The following RERE variants were observed in gnomAD, a reference collection of about 807,000 sequenced individuals.
The protein encoded by RERE is arginine-glutamic acid dipeptide repeats protein.
RERE carries 40 observed loss-of-function variants against 146.1 expected under a neutral mutation model. That is an observed-to-expected ratio of 0.27 (90% CI 0.21 to 0.36). RERE has a LOEUF of 0.36. RERE is among the 10% of genes least tolerant of loss of function. RERE has a pLI of 1.00. For missense variants in RERE, 1,933 were observed against 2,138.7 expected (o/e 0.90, Z 1.90); for synonymous variants, 1,003 against 866.0 (o/e 1.16, Z -2.78).
At chr1:8,778,807 G>C (rs2124557752) in intron 1 of RERE, among the ~76,000 whole-genome samples, 1 of 151,002 alleles carries the variant, frequency 6.6e-6, no homozygotes, top group South Asian at 2.1e-4. Context: ...CTGTGACCTT[G>C]TCTCCCAAAA....
rs71580032 is a variant in RERE at position 8,532,418 on chromosome 1, T to TGG, written c.830+8794_830+8795dup. 9.4e-4 allele frequency among the ~76,000 whole-genome samples: 80 copies of TGG among 84,710 alleles called. 2 individuals carry two copies. The highest frequency in any genetic ancestry group is 5.9e-3 in the Admixed American group (54 of 9,124). The allele number at this position is 84,710 out of a possible 152,430, so 55.6% of individuals were successfully genotyped here. ...TTCATTTTTCTTTTTCTCTTTTATT[T>TGG]GGGGGGGGTCCGGGGAGGGGGGAGA... On this transcript the variant is annotated intron_variant, in intron 7 of 22. Transcript: ENST00000400908.
At chr1:8,496,491 AG>A (rs1645047396) in intron 9 of RERE, among the ~76,000 whole-genome samples, 1 of 150,048 alleles carries the variant, frequency 6.7e-6, no homozygotes, top group South Asian at 2.1e-4. Flanking sequence ...AAACAAAACA[AG>A]TAACAACCAA....
chr1:8,558,918 C>T (rs541166938), intron 4 of RERE, among the ~76,000 whole-genome samples: 4 of 151,086 alleles, frequency 2.6e-5, no homozygotes, highest in African/African-American at 9.7e-5. Flanking sequence ...GCCTCAGCCT[C>T]CCAAGTAGCT....
chr1:8,378,430 T>C (rs1000021430), intron 12 of RERE, among the ~76,000 whole-genome samples: 2 of 152,214 alleles, frequency 1.3e-5, no homozygotes, highest in African/African-American at 4.8e-5. Context: ...AATTCCTACG[T>C]TGAAGCTCTA....
intron 1 of RERE, among the ~76,000 whole-genome samples, chr1:8,709,659 C>CA (rs1455264754): frequency 2.0e-5 from 3 of 152,224 alleles, no homozygotes; most frequent in African/African-American, 7.2e-5. Context: ...AGACCATTAA[C>CA]ATCCCATTCT....
At chr1:8,454,032 G>A (rs1232648691) in intron 11 of RERE, among the ~76,000 whole-genome samples, 3 of 152,146 alleles carry the variant, frequency 2.0e-5, no homozygotes, top group Non-Finnish European at 4.4e-5. Flanking sequence ...AAGACTCCAA[G>A]CTGCTGTTGA....
chr1:8,358,461 G>C lies in RERE; in HGVS notation c.4074C>G (p.Thr1358=), dbSNP rs776342552. 1.9e-6 allele frequency: 3 copies of C among 1,584,872 alleles called. No homozygotes were observed. The highest frequency in any genetic ancestry group is 1.7e-5 in the Admixed American group (1 of 58,332). ...ARHSALTIPP[T]AGPHPFASFH... ...AAGAAGCAAAAGGGTGGGGCCCGGC[G>C]GTCGGGGGGATGGTGAGGGCGCTGT... Residue 1358 remains threonine, a synonymous_variant, in exon 20 of 23, where the codon ACC becomes ACG. Transcript: ENST00000400908.
Position 8,499,956 on chromosome 1 carries a change from C to G in RERE, c.880-2427G>C, listed in dbSNP as rs57456562. On this transcript the variant is annotated intron_variant, in intron 8 of 22. Transcript: ENST00000400908. ...CCAACACGGTGAAACCCTGTCTCTACGAAAAATACAAAAATTAGCCAGGCG... is the reference window on the plus strand; with the variant it reads ...CCAACACGGTGAAACCCTGTCTCTAGGAAAAATACAAAAATTAGCCAGGCG... Among the ~76,000 whole-genome samples, 26 of 151,814 alleles carry G rather than the reference C, an allele frequency of 1.7e-4. No homozygotes were observed. The East Asian group carries it at 5.0e-3, about 29-fold the overall frequency.
intron 8 of RERE, among the ~76,000 whole-genome samples, chr1:8,498,127 G>A (rs535017517): frequency 2.6e-5 from 4 of 152,224 alleles, no homozygotes; most frequent in African/African-American, 9.6e-5. Flanking sequence ...TTGGGAGGCC[G>A]AGGTGGGTGG....
intron 10 of RERE, among the ~76,000 whole-genome samples, chr1:8,475,231 G>A (rs373300699): frequency 7.3e-5 from 11 of 150,246 alleles, no homozygotes; most frequent in Middle Eastern, 3.6e-3. Context: ...AAAATTAGCC[G>A]GGTGTGGTGG....
At chr1:8,595,941 G>C (rs1646551033) in intron 4 of RERE, among the ~76,000 whole-genome samples, 1 of 152,128 alleles carries the variant, frequency 6.6e-6, no homozygotes, top group African/African-American at 2.4e-5. Context: ...ACTCCTTCAG[G>C]GCACTAATCC....
At chr1:8,603,066 G>T (rs1031969764) in intron 4 of RERE, among the ~76,000 whole-genome samples, 1 of 152,224 alleles carries the variant, frequency 6.6e-6, no homozygotes, top group South Asian at 2.1e-4. Context: ...AGAGATGACT[G>T]GAAGTGGGAG....
intron 1 of RERE, among the ~76,000 whole-genome samples, chr1:8,668,187 T>C (rs1357156040): frequency 6.6e-6 from 1 of 152,262 alleles, no homozygotes; most frequent in Non-Finnish European, 1.5e-5. Context: ...ACGAAAACTA[T>C]AGTCTGCCAT....
chr1:8,705,898 T>C (rs566421154), intron 1 of RERE, among the ~76,000 whole-genome samples: 2 of 152,136 alleles, frequency 1.3e-5, no homozygotes, highest in East Asian at 3.9e-4. Flanking sequence ...GGGCAGATCA[T>C]GAGGTCAGGA....
intron 11 of RERE, among the ~76,000 whole-genome samples, chr1:8,443,844 A>C (rs1460297178): frequency 2.0e-5 from 3 of 152,176 alleles, no homozygotes; most frequent in Non-Finnish European, 4.4e-5. Context: ...TTAAGTCTGC[A>C]GGTGTACAGA....
chr1:8,485,852 G>A (rs1024326238), intron 10 of RERE, among the ~76,000 whole-genome samples: 4 of 143,708 alleles, frequency 2.8e-5, no homozygotes, highest in Admixed American at 7.2e-5. Flanking sequence ...AGGCTGGAGT[G>A]CAGTGGCGCG....
chr1:8,393,341 G>A (rs1158321741), intron 12 of RERE, among the ~76,000 whole-genome samples: 3 of 152,090 alleles, frequency 2.0e-5, no homozygotes, highest in Non-Finnish European at 4.4e-5. Context: ...CCTATTTAGC[G>A]TGGCCTGTGT....
chr1:8,592,496 T>C (rs1317282506), intron 4 of RERE, among the ~76,000 whole-genome samples: 4 of 152,082 alleles, frequency 2.6e-5, no homozygotes, highest in Non-Finnish European at 5.9e-5. Flanking sequence ...TATCTTAAAC[T>C]CCTGGGCTCT....
At chr1:8,631,666 T>A (rs1380610524) in intron 2 of RERE, among the ~76,000 whole-genome samples, 2 of 152,172 alleles carry the variant, frequency 1.3e-5, no homozygotes, top group African/African-American at 4.8e-5. Flanking sequence ...CTGAAAACGT[T>A]CCTTAAATAG....
Sources: allele counts gnomAD v4.1 joint callset (sites outside exome capture counted in the v4.1 genomes callset), GRCh38; gene constraint gnomAD v4.1.1; transcripts MANE v1.5; gene names NCBI Gene and HGNC (gene_info 2026-07-23, HGNC 2026-07-21).